The following TET2 variants were observed in gnomAD, a reference collection of about 807,000 sequenced individuals.
TET2 encodes tet methylcytosine dioxygenase 2.
A neutral mutation model predicts 142.9 loss-of-function variants in TET2; 299 were observed. The ratio of observed to expected loss-of-function variants is 2.09; its 90% confidence interval spans 1.90 to 2.30. TET2 has a LOEUF of 2.30. Among genes scored for constraint, TET2 ranks in the 30% most tolerant of loss-of-function variants. TET2 has a pLI of 0.00. For synonymous variants in TET2, 819 were observed against 849.0 expected, an observed-to-expected ratio of 0.96 and a Z score of 0.61; for missense variants, 2,418 against 2,378.0, an observed-to-expected ratio of 1.02 and a Z score of -0.35.
intron 4 of TET2, chr4:105,242,234 C>T: frequency 9.2e-7 from 1 of 1,091,644 alleles, no homozygotes; most frequent in South Asian, 4.5e-5. Context: ...CATCTAGTGG[C>T]CTGGCAGAAA....
Position 105,235,836 on chromosome 4 carries a change from C to T in TET2, c.1894C>T (p.Gln632Ter), listed in dbSNP as rs1728841005. The T allele has an allele frequency of 2.5e-6, 4 of 1,613,858 alleles. No homozygotes were observed. The highest frequency in any genetic ancestry group is 1.3e-5 in the African/African-American group (1 of 74,932). The change falls in exon 3 of 11, where the codon CAA becomes TAA. Residue 632 changes from glutamine (Q) to a stop codon, truncating the protein, a stop_gained. Coordinates refer to ENST00000380013, the MANE Select transcript of TET2 (RefSeq NM_001127208.3). LOFTEE classifies it high-confidence loss of function. ...AACAACACAGCTGGAGCACAAGTCA[C>T]AAATGTACCAAGTTGAAATGAATCA... is the stretch of plus-strand genomic sequence containing the variant. ...QKTTQLEHKS[Q>*]MYQVEMNQGQ...
intron 2 of TET2, among the ~76,000 whole-genome samples, chr4:105,225,787 C>G (rs1021388055): frequency 3.3e-5 from 5 of 152,158 alleles, no homozygotes; most frequent in South Asian, 2.1e-4. Flanking sequence ...ACTAATGTGT[C>G]TTGAGCTCCA....
Position 105,259,997 on chromosome 4 carries a change from A to T in TET2, c.3954+228A>T, listed in dbSNP as rs1228487948. Among the ~76,000 whole-genome samples, 3 of 152,264 alleles carry T rather than the reference A, an allele frequency of 2.0e-5. No homozygotes were observed. In the East Asian group the frequency reaches 5.8e-4, roughly 29 times the overall value. On this transcript the variant is annotated intron_variant, in intron 7 of 10. Transcript: ENST00000380013. ...CTCTTTGGTCTTTTATGTTAATTCC[A>T]AAGTTTTAAAGGGGTGTCACTTCAT...
intron 3 of TET2, chr4:105,237,962 A>G: frequency 1.0e-6 from 1 of 965,906 alleles, no homozygotes; most frequent in Non-Finnish European, 1.3e-6. Flanking sequence ...CATCTTTTTG[A>G]TTAAAAAATA....
intron 2 of TET2, among the ~76,000 whole-genome samples, chr4:105,223,967 A>T (rs1560533643): frequency 6.6e-6 from 1 of 152,156 alleles, no homozygotes; most frequent in East Asian, 1.9e-4. Context: ...ATGATGGTAG[A>T]GTAATTTATA....
rs2110220675 is a variant in TET2, at chr4:105,234,301, G to A, written c.359G>A (p.Gly120Glu). Residue 120 changes from glycine (G) to glutamate (E), a missense_variant, in exon 3 of 11, where the codon GGA (glycine) becomes GAA (glutamate). Coordinates refer to ENST00000380013, the MANE Select transcript of TET2 (RefSeq NM_001127208.3). The part of the protein sequence containing the change: ...KKLKQDQKAN[G>E]ERRNFGVSQE... ...TTGAAACAAGACCAAAAGGCTAATG[G>A]AGAAAGACGTAACTTCGGGGTAAGC... 1.9e-6 allele frequency: 3 copies of A among 1,614,122 alleles called. No homozygotes were observed. The highest frequency in any genetic ancestry group is 1.1e-5 in the South Asian group (1 of 91,084).
At chr4:105,266,781 G>A (rs1458932798) in intron 8 of TET2, among the ~76,000 whole-genome samples, 1 of 152,002 alleles carries the variant, frequency 6.6e-6, no homozygotes, top group Non-Finnish European at 1.5e-5. Context: ...TAATATATGT[G>A]TAATTGGAGT....
At chr4:105,262,942 A>T (rs1730515438) in intron 8 of TET2, among the ~76,000 whole-genome samples, 1 of 151,950 alleles carries the variant, frequency 6.6e-6, no homozygotes, top group African/African-American at 2.4e-5. Context: ...AATCCCAGCT[A>T]CCCAGGAGAC....
At chr4:105,182,602 C>G (rs189554842) in intron 1 of TET2, among the ~76,000 whole-genome samples, 1 of 152,028 alleles carries the variant, frequency 6.6e-6, no homozygotes, top group African/African-American at 2.4e-5. Flanking sequence ...TTTTCCTATA[C>G]GTTTTGAAAT....
intron 1 of TET2, among the ~76,000 whole-genome samples, chr4:105,186,946 T>G (rs1725492385): frequency 2.0e-5 from 3 of 152,220 alleles, no homozygotes; most frequent in Admixed American, 2.0e-4. Flanking sequence ...TTCTATTTGT[T>G]GGGGATCACC....
At chr4:105,258,794 T>G (rs539925427) in intron 6 of TET2, among the ~76,000 whole-genome samples, 1 of 152,294 alleles carries the variant, frequency 6.6e-6, no homozygotes, top group Middle Eastern at 3.4e-3. Flanking sequence ...GTAAGTTGTT[T>G]TATCTCTCTT....
chr4:105,175,943 G>A (rs1305668550), intron 1 of TET2, among the ~76,000 whole-genome samples: 1 of 152,128 alleles, frequency 6.6e-6, no homozygotes, highest in African/African-American at 2.4e-5. Context: ...ATCCGGCAGT[G>A]TACGATTCTG....
Position 105,234,215 on chromosome 4 carries a change from T to C in TET2, c.273T>C (p.Asn91=), listed in dbSNP as rs780091980. The change falls in exon 3 of 11, where the codon AAT becomes AAC. Residue 91 remains asparagine, a synonymous_variant. Transcript: ENST00000380013. ...GAGGGTATTCCAAGTGTTTGCAAAATGGAGGAATAAAACGCACAGTTAGTG... is the reference window on the plus strand; with the variant it reads ...GAGGGTATTCCAAGTGTTTGCAAAACGGAGGAATAAAACGCACAGTTAGTG... ...ESRGYSKCLQ[N]GGIKRTVSEP... 6 of 1,614,074 alleles carry C rather than the reference T, an allele frequency of 3.7e-6. No individual in the cohort carries two copies. Among genetic ancestry groups the C allele is most frequent in the Admixed American group, 3.3e-5 (2 of 60,010 alleles).
intron 2 of TET2, among the ~76,000 whole-genome samples, chr4:105,226,891 T>G (rs780809070): frequency 2.0e-5 from 3 of 152,174 alleles, no homozygotes; most frequent in Admixed American, 2.0e-4. Context: ...AAAATGCTAT[T>G]TAGTCATTCC....
chr4:105,272,355 TG>T (rs1035603776), intron 9 of TET2, among the ~76,000 whole-genome samples: 2 of 152,132 alleles, frequency 1.3e-5, no homozygotes, highest in Non-Finnish European at 2.9e-5. Context: ...GGGTGGGCAA[TG>T]TCAATTTGTC....
At chr4:105,272,259 G>A (rs1730997679) in intron 9 of TET2, among the ~76,000 whole-genome samples, 1 of 152,274 alleles carries the variant, frequency 6.6e-6, no homozygotes, top group African/African-American at 2.4e-5. Context: ...TTTTGGGGGA[G>A]TGTTGCTTCT....
At position 105,235,982 on chromosome 4, in the gene TET2, AT is replaced by A. The variant is rs1728858633; in HGVS notation, c.2043del (p.His682IlefsTer18). The stretch of plus-strand genomic sequence containing the variant: ...ATGTGCAGTCACTGTGTGGCACTAG[AT>A]TTCATTTTCAACAAAGAGCAGATTC... ...AHVQSLCGTR[F>X]HFQQRADSQT... On this transcript the variant is annotated frameshift_variant, in exon 3 of 11. Coordinates refer to ENST00000380013, the MANE Select transcript of TET2 (RefSeq NM_001127208.3). LOFTEE classifies it high-confidence loss of function. The A allele has an allele frequency of 6.2e-7, 1 of 1,614,138 alleles. No homozygotes were observed. The highest frequency in any genetic ancestry group is 8.5e-7 in the Non-Finnish European group (1 of 1,180,012).
At chr4:105,186,512 G>C (rs1287429531) in intron 1 of TET2, among the ~76,000 whole-genome samples, 1 of 122,450 alleles carries the variant, frequency 8.2e-6, no homozygotes, top group East Asian at 2.3e-4. Flanking sequence ...GTCTCACTCT[G>C]TCACCCAGGC....
chr4:105,157,376 C>A (rs1723620573), intron 1 of TET2, among the ~76,000 whole-genome samples: 1 of 152,020 alleles, frequency 6.6e-6, no homozygotes, highest in Non-Finnish European at 1.5e-5. Flanking sequence ...CAGGAAAAAA[C>A]ACACTTTAAA....
Sources: gnomAD v4.1 joint callset for allele counts (sites outside exome capture counted in the v4.1 genomes callset) on GRCh38, gnomAD v4.1.1 for gene constraint, MANE v1.5 for transcripts, NCBI Gene and HGNC (gene_info 2026-07-23, HGNC 2026-07-21) for gene names.